SLC22A3: variants seen among roughly 807,000 people sequenced by gnomAD.
SLC22A3 encodes the protein solute carrier family 22 member 3.
In SLC22A3, 51 loss-of-function variants were observed where a neutral mutation model predicts 59.1. The observed-to-expected ratio is 0.86, with a 90% CI of 0.69 to 1.09. The LOEUF (loss-of-function observed/expected upper bound fraction) is 1.09. Among genes scored for constraint, SLC22A3 ranks in the 50% least tolerant of loss-of-function variants. The pLI is 0.00. For synonymous variants in SLC22A3, 325 were observed against 292.0 expected, an observed-to-expected ratio of 1.11 and a Z score of -1.15; for missense variants, 711 against 726.3, an observed-to-expected ratio of 0.98 and a Z score of 0.24.
At chr6:160,377,025 C>T (rs188323460) in intron 1 of SLC22A3, among the ~76,000 whole-genome samples, 251 of 152,264 alleles carry the variant, frequency 1.6e-3, no homozygotes, top group Middle Eastern at 3.4e-3. Flanking sequence ...CATCCAACAC[C>T]TGGCAAGGAC....
At chr6:160,429,850 A>T (rs1208857360) in intron 5 of SLC22A3, among the ~76,000 whole-genome samples, 1 of 139,372 alleles carries the variant, frequency 7.2e-6, no homozygotes, top group Non-Finnish European at 1.6e-5. Flanking sequence ...TCCATTTCTT[A>T]AAAAAAAAAA....
intron 5 of SLC22A3, among the ~76,000 whole-genome samples, chr6:160,434,796 A>G (rs776658948): frequency 1.3e-5 from 2 of 152,206 alleles, no homozygotes; most frequent in African/African-American, 2.4e-5. Context: ...TCATCTTAAT[A>G]GACATTATAT....
chr6:160,408,411 A>G (rs140102537), intron 3 of SLC22A3, among the ~76,000 whole-genome samples: 80 of 152,334 alleles, frequency 5.3e-4, no homozygotes, highest in African/African-American at 1.9e-3. Flanking sequence ...TGTTTTGATA[A>G]TTACAATTAC....
At chr6:160,398,581 G>C (rs1786622321) in intron 2 of SLC22A3, among the ~76,000 whole-genome samples, 1 of 152,042 alleles carries the variant, frequency 6.6e-6, no homozygotes, top group South Asian at 2.1e-4. Flanking sequence ...CACTAAAGGA[G>C]TTTTTTTCTA....
rs191475369 is a variant in SLC22A3 at position 160,366,782 on chromosome 6, A to G, written c.429+17934A>G. Among the ~76,000 whole-genome samples, 696 of 152,274 alleles carry G rather than the reference A, an allele frequency of 4.6e-3. 3 individuals are homozygous for G. Among genetic ancestry groups the G allele is most frequent in the African/African-American group, 0.016 (671 of 41,560 alleles). On this transcript the variant is annotated intron_variant, in intron 1 of 10. Coordinates refer to ENST00000275300, the MANE Select transcript of SLC22A3 (RefSeq NM_021977.4). ...CAACCCCCGGGACCAACACCACATG[A>G]AAGCTGCCAATGCTTAGGGCTGAGA...
At chr6:160,383,075 A>G (rs1228181915) in intron 1 of SLC22A3, among the ~76,000 whole-genome samples, 3 of 152,200 alleles carry the variant, frequency 2.0e-5, no homozygotes, top group Non-Finnish European at 4.4e-5. Flanking sequence ...CTGCCTGTGC[A>G]TTAGGCTTCA....
intron 1 of SLC22A3, among the ~76,000 whole-genome samples, chr6:160,381,975 A>G (rs1473006585): frequency 1.3e-5 from 2 of 152,320 alleles, no homozygotes; most frequent in East Asian, 3.9e-4. Context: ...TAATAAAATA[A>G]ATCATTTATT....
chr6:160,386,231 T>G (rs1786008484), intron 1 of SLC22A3, among the ~76,000 whole-genome samples: 1 of 152,204 alleles, frequency 6.6e-6, no homozygotes, highest in Non-Finnish European at 1.5e-5. Context: ...TGCCCATATA[T>G]CTCACTCTCT....
rs756152407 is a variant in SLC22A3, at chr6:160,407,113, A to C, written c.606A>C (p.Ala202=). 1.2e-6 allele frequency: 2 copies of C among 1,612,236 alleles called. No individual in the cohort carries two copies. The highest frequency in any genetic ancestry group is 2.2e-5 in the South Asian group (2 of 90,674). ...TCACTGGGGTTGTGGTGGCCTTTGCACCAAACTTCCCTGTGTTTGTGATCT... is the reference window on the plus strand; with the variant it reads ...TCACTGGGGTTGTGGTGGCCTTTGCCCCAAACTTCCCTGTGTTTGTGATCT... ...VGVTGVVVAF[A]PNFPVFVIFR... is the part of the protein sequence containing the mutation. The change falls in exon 3 of 11, where the codon GCA becomes GCC. Residue 202 remains alanine, a synonymous_variant. Transcript: ENST00000275300.
intron 5 of SLC22A3, among the ~76,000 whole-genome samples, chr6:160,430,234 T>C (rs1328207258): frequency 6.6e-6 from 1 of 151,740 alleles, no homozygotes; most frequent in African/African-American, 2.4e-5. Context: ...AAATAATATA[T>C]TTGAATATTA....
intron 1 of SLC22A3, among the ~76,000 whole-genome samples, chr6:160,356,175 C>T (rs115378312): frequency 5.1e-4 from 77 of 152,318 alleles, no homozygotes; most frequent in African/African-American, 1.5e-3. Flanking sequence ...CTCCTAACGC[C>T]GATTCCTTGC....
intron 5 of SLC22A3, among the ~76,000 whole-genome samples, chr6:160,433,997 T>G (rs1788250514): frequency 6.6e-6 from 1 of 152,144 alleles, no homozygotes. Context: ...ACAGTGGTAT[T>G]GATATGTAGA....
chr6:160,355,335 C>T (rs933666126), intron 1 of SLC22A3, among the ~76,000 whole-genome samples: 16 of 152,294 alleles, frequency 1.1e-4, no homozygotes, highest in African/African-American at 2.9e-4. Context: ...CCCATGTCTC[C>T]GCCTATAGAG....
At chr6:160,354,988 C>A (rs995435585) in intron 1 of SLC22A3, among the ~76,000 whole-genome samples, 1 of 152,128 alleles carries the variant, frequency 6.6e-6, no homozygotes, top group South Asian at 2.1e-4. Context: ...CTGCAGTCCC[C>A]GGAGGATGGT....
At chr6:160,377,874 T>C (rs1785658467) in intron 1 of SLC22A3, among the ~76,000 whole-genome samples, 1 of 152,264 alleles carries the variant, frequency 6.6e-6, no homozygotes. Context: ...TTTTAACCTG[T>C]GGAAATTTGT....
chr6:160,437,000 C>A lies in SLC22A3; in HGVS notation c.1077C>A (p.Phe359Leu). The change falls in exon 7 of 11, where the codon TTC (phenylalanine) becomes TTA (leucine). Residue 359 changes from phenylalanine to leucine, a missense_variant. Phe to Leu is a conservative substitution (Grantham distance 22). Transcript: ENST00000275300. ...KCTLILMFAW[F>L]TSAVVYQGLV... ...GTGTCTTTCAATGTTGCTACAGGTT[C>A]ACAAGCGCAGTGGTGTATCAAGGAC... 1.9e-6 allele frequency: 3 copies of A among 1,614,134 alleles called. No homozygotes were observed. The highest frequency in any genetic ancestry group is 2.5e-6 in the Non-Finnish European group (3 of 1,179,986).
At chr6:160,385,141 G>T (rs1020241728) in intron 1 of SLC22A3, among the ~76,000 whole-genome samples, 4 of 152,220 alleles carry the variant, frequency 2.6e-5, no homozygotes, top group Admixed American at 6.5e-5. Flanking sequence ...AGACTCTTGT[G>T]TCTCACTGAA....
chr6:160,418,747 G>T (rs752162862), intron 5 of SLC22A3, among the ~76,000 whole-genome samples: 1 of 152,008 alleles, frequency 6.6e-6, no homozygotes, highest in African/African-American at 2.4e-5. Flanking sequence ...CATTCCTCCC[G>T]TTTTTGTATG....
chr6:160,366,658 CTGTGCCCCACAAT>C lies in SLC22A3; in HGVS notation c.429+17811_429+17823del, dbSNP rs574046092. 9.8e-5 allele frequency among the ~76,000 whole-genome samples: 15 copies of C among 152,350 alleles called. No individual in the cohort carries two copies. The East Asian group carries it at 2.7e-3, about 27-fold the overall frequency. ...CCCTAGCAGAGGTTCTTCATGAGGG[CTGTGCCCCACAAT>C]ACACATCTGCCTGGACATCCATGTG... On this transcript the variant is annotated intron_variant, in intron 1 of 10. Coordinates refer to ENST00000275300, the MANE Select transcript of SLC22A3 (RefSeq NM_021977.4).
Sources: gnomAD v4.1 joint callset for allele counts (sites outside exome capture counted in the v4.1 genomes callset) on GRCh38, gnomAD v4.1.1 for gene constraint, MANE v1.5 for transcripts, NCBI Gene and HGNC (gene_info 2026-07-23, HGNC 2026-07-21) for gene names.